Variants in PPP2R1A observed in about 807,000 individuals in gnomAD.
PPP2R1A encodes the protein protein phosphatase 2 scaffold subunit Aalpha, also known as serine/threonine-protein phosphatase 2A 65 kDa regulatory subunit A alpha isoform.
Under a neutral mutation model 67.1 loss-of-function variants are expected in PPP2R1A, and 15 were observed. The ratio of observed to expected loss-of-function variants is 0.22; its 90% CI spans 0.15 to 0.34. The LOEUF (loss-of-function observed/expected upper bound fraction) is 0.34, where lower values mean the gene tolerates loss of function less well. Ranked by LOEUF, PPP2R1A falls within the 10% of genes least tolerant of loss-of-function variation. The pLI is 1.00. For synonymous variants in PPP2R1A, 337 were observed against 325.0 expected, an observed-to-expected ratio of 1.04 and a Z score of -0.40; for missense variants, 369 against 775.0, an observed-to-expected ratio of 0.48 and a Z score of 6.22.
rs749324986 is a variant in PPP2R1A at position 52,211,262 on chromosome 19, A to G, written c.273A>G (p.Pro91=). The G allele has an allele frequency of 5.0e-6, 8 of 1,612,058 alleles. No individual in the cohort carries two copies. The highest frequency in any genetic ancestry group is 6.8e-6 in the Non-Finnish European group (8 of 1,179,732). ...GTGACTTTGTGTTCTCACCACAGCC[A>G]CCGCTGGAGTCGCTGGCCACAGTGG... ...GGPEYVHCLL[P]PLESLATVEE... The change falls in exon 4 of 15, where the codon CCA becomes CCG. Residue 91 remains proline (P), a splice_region_variant and synonymous_variant. Coordinates refer to ENST00000322088, the MANE Select transcript of PPP2R1A (RefSeq NM_014225.6). The surrounding 1 kb of genome is among the most constrained non-coding windows in gnomAD (Gnocchi z 5.3).
Position 52,207,904 on chromosome 19 carries a change from G to A in PPP2R1A, c.270+1841G>A, listed in dbSNP as rs2089621147. On this transcript the variant is annotated intron_variant, in intron 3 of 14. Transcript: ENST00000322088. Reference sequence around the variant, plus strand: ...AGGGGGGTCCTTAAACCCAGGGAAGGCGCCTAACCTGCTTAGGTGGGATGG... The same window carrying A: ...AGGGGGGTCCTTAAACCCAGGGAAGACGCCTAACCTGCTTAGGTGGGATGG... Among the ~76,000 whole-genome samples, 4 of 152,140 alleles carry A rather than the reference G, an allele frequency of 2.6e-5. No individual in the cohort carries two copies. The South Asian group carries it at 8.3e-4, about 31-fold the overall frequency.
rs547709191 is a variant in PPP2R1A at position 52,191,990 on chromosome 19, G to A, written c.78+1816G>A. Among the ~76,000 whole-genome samples the A allele has an allele frequency of 5.9e-5, 9 of 152,250 alleles. No individual in the cohort carries two copies. In the South Asian group the frequency reaches 1.9e-3, roughly 32 times the overall value. On this transcript the variant is annotated intron_variant, in intron 1 of 14. Transcript: ENST00000322088. ...CTCTAGGCCTTGGGGAGTTTATTTT[G>A]TAGTGAGGAGAGACAGACAATAAAC...
At chr19:52,207,374 G>C (rs2089615278) in intron 3 of PPP2R1A, among the ~76,000 whole-genome samples, 1 of 152,150 alleles carries the variant, frequency 6.6e-6, no homozygotes, top group Non-Finnish European at 1.5e-5. Flanking sequence ...AAACCGCAAG[G>C]CTTCAACAAG....
intron 1 of PPP2R1A, among the ~76,000 whole-genome samples, chr19:52,193,229 C>T (rs79218684): frequency 0.016 from 2,394 of 152,278 alleles, 35 homozygotes; most frequent in Middle Eastern, 0.082. Flanking sequence ...GAAGTAGGAC[C>T]TAAGGGTGGA....
At chr19:52,204,690 A>G (rs2089584796) in intron 2 of PPP2R1A, among the ~76,000 whole-genome samples, 1 of 152,218 alleles carries the variant, frequency 6.6e-6, no homozygotes, top group South Asian at 2.1e-4. Flanking sequence ...AACTGTGTGC[A>G]GAGGGAGCCA....
At chr19:52,190,235 C>T (rs994018938) in intron 1 of PPP2R1A, 61 bp downstream of exon 1, 2 of 1,521,746 alleles carry the variant, frequency 1.3e-6, no homozygotes, top group Non-Finnish European at 1.8e-6. Context: ...CACGGGCGGC[C>T]CTCGCGGAGA....
intron 6 of PPP2R1A, among the ~76,000 whole-genome samples, chr19:52,214,732 T>A (rs1978461783): frequency 6.6e-6 from 1 of 150,560 alleles, no homozygotes; most frequent in East Asian, 1.9e-4. Flanking sequence ...TGCCTCCCTT[T>A]TTTTTTTTTT....
chr19:52,190,384 A>G, intron 1 of PPP2R1A: 2 of 630,656 alleles, frequency 3.2e-6, no homozygotes, highest in South Asian at 3.9e-5. Flanking sequence ...GGCCAGCGCT[A>G]GCCTCGAGGG....
intron 3 of PPP2R1A, among the ~76,000 whole-genome samples, chr19:52,207,999 G>A (rs2089622613): frequency 6.6e-6 from 1 of 152,134 alleles, no homozygotes; most frequent in Admixed American, 6.5e-5. Context: ...ATAAGAAATA[G>A]AAAATGGCTT....
At chr19:52,222,355 T>G in intron 13 of PPP2R1A, 114 bp downstream of exon 13, 4 of 1,412,482 alleles carry the variant, frequency 2.8e-6, no homozygotes, top group Non-Finnish European at 3.8e-6. Context: ...CCTTGCTTGC[T>G]GTGTGACCTT....
At chr19:52,222,356 G>C in intron 13 of PPP2R1A, 115 bp downstream of exon 13, 1 of 1,411,286 alleles carries the variant, frequency 7.1e-7, no homozygotes, top group Non-Finnish European at 9.4e-7. Context: ...CTTGCTTGCT[G>C]TGTGACCTTG....
chr19:52,211,255 CA>C lies in PPP2R1A; in HGVS notation c.271-4del. ...CTGTCCAGTGACTTTGTGTTCTCAC[CA>C]CAGCCACCGCTGGAGTCGCTGGCCA... On this transcript the variant is annotated splice_region_variant and splice_polypyrimidine_tract_variant and intron_variant, in intron 3 of 14. Transcript: ENST00000322088. This position sits in a 1 kb window ranked among gnomAD's most constrained non-coding sequence, Gnocchi z 5.3. The C allele has an allele frequency of 5.6e-6, 9 of 1,611,446 alleles. No homozygotes were observed. Among genetic ancestry groups the C allele is most frequent in the Non-Finnish European group, 7.6e-6 (9 of 1,179,506 alleles).
chr19:52,191,593 G>T (rs1223928249), intron 1 of PPP2R1A, among the ~76,000 whole-genome samples: 1 of 152,300 alleles, frequency 6.6e-6, no homozygotes, highest in East Asian at 1.9e-4. Flanking sequence ...CATACAGGTT[G>T]TGGTTGTATT....
intron 9 of PPP2R1A, among the ~76,000 whole-genome samples, chr19:52,218,085 GC>G (rs1978692213): frequency 6.6e-6 from 1 of 152,160 alleles, no homozygotes; most frequent in Admixed American, 6.5e-5. Flanking sequence ...TGTTCAGGAG[GC>G]AGAAGGGACC....
intron 13 of PPP2R1A, among the ~76,000 whole-genome samples, chr19:52,224,673 ATTGG>A (rs1307708405): frequency 5.3e-5 from 8 of 152,010 alleles, no homozygotes; most frequent in Non-Finnish European, 1.2e-4. Flanking sequence ...CCTTTAAGTA[ATTGG>A]TTGGTTGGTT....
At chr19:52,220,333 G>A (rs1468177154) in intron 11 of PPP2R1A, 84 bp downstream of exon 11, 3 of 1,430,046 alleles carry the variant, frequency 2.1e-6, no homozygotes, top group African/African-American at 1.4e-5. Context: ...GCGGGCAGTG[G>A]AGGAGGCTAG....
At position 52,212,655 on chromosome 19, in the gene PPP2R1A, C is replaced by T. The variant is rs2122333853; in HGVS notation, c.504-31C>T. The T allele has an allele frequency of 6.2e-7, 1 of 1,606,646 alleles. No homozygotes were observed. ...TTGCTCCTCTCTGCCATACTGCCTG[C>T]TGCCTCAGGATCCCCGTCCCCGACT... On this transcript the variant is annotated intron_variant, in intron 4 of 14. Transcript: ENST00000322088. This position sits in a 1 kb window ranked among gnomAD's most constrained non-coding sequence, Gnocchi z 4.1.
intron 1 of PPP2R1A, among the ~76,000 whole-genome samples, chr19:52,193,018 C>A (rs1000055510): frequency 1.3e-5 from 2 of 152,248 alleles, no homozygotes; most frequent in Non-Finnish European, 2.9e-5. Context: ...CTGACTTAAA[C>A]CATCTGCGTA....
chr19:52,191,040 A>C (rs544619665), intron 1 of PPP2R1A: 1 of 152,072 alleles, frequency 6.6e-6, no homozygotes, highest in Non-Finnish European at 1.5e-5. Flanking sequence ...TTGTATTTTT[A>C]GCAGAGACGG....
Sources: allele counts gnomAD v4.1 joint callset (sites outside exome capture counted in the v4.1 genomes callset), GRCh38; gene constraint gnomAD v4.1.1; non-coding constraint Gnocchi (gnomAD v3.1); transcripts MANE v1.5; gene names NCBI Gene and HGNC (gene_info 2026-07-23, HGNC 2026-07-21).